The following INSL6 variants were observed in gnomAD, a reference collection of about 807,000 sequenced individuals.
The protein encoded by INSL6 is insulin like 6, also known as insulin-like peptide INSL6.
In INSL6, 16 loss-of-function variants were observed where a neutral mutation model predicts 9.4. That is an observed-to-expected ratio of 1.70 (90% CI 1.15 to 2.59). INSL6 has a LOEUF of 2.59. INSL6 is among the 30% of genes most tolerant of loss of function. INSL6 has a pLI of 0.00. For synonymous variants in INSL6, 154 were observed against 96.9 expected (o/e 1.59, Z -3.46); for missense variants, 391 against 257.3 (o/e 1.52, Z -3.56).
intron 3 of INSL6, among the ~76,000 whole-genome samples, chr9:5,131,435 A>ATTTTTTT (rs550915336): frequency 0.016 from 1,853 of 115,730 alleles, 73 homozygotes; most frequent in Non-Finnish European, 0.019. Flanking sequence ...CCAGTTAACA[A>ATTTTTTT]TTTTTTTTTT....
chr9:5,160,911 T>C (rs1471019996), downstream of INSL6, among the ~76,000 whole-genome samples: 1 of 152,128 alleles, frequency 6.6e-6, no homozygotes, highest in African/African-American at 2.4e-5. Flanking sequence ...AACCTGTGAA[T>C]AGACCAGTAA....
the INSL6 span, among the ~76,000 whole-genome samples, chr9:5,057,980 A>G: frequency 6.6e-6 from 1 of 152,178 alleles, no homozygotes. Context: ...TTCAGTTAGT[A>G]TAATATACTC....
chr9:5,106,779 C>G, the INSL6 span, among the ~76,000 whole-genome samples: 1 of 152,136 alleles, frequency 6.6e-6, no homozygotes, highest in Non-Finnish European at 1.5e-5. Flanking sequence ...AACCATCATT[C>G]TCAGCAAACT....
At chr9:5,043,351 A>G in the INSL6 span, among the ~76,000 whole-genome samples, 5 of 152,200 alleles carry the variant, frequency 3.3e-5, no homozygotes, top group Non-Finnish European at 5.9e-5. Context: ...CGAAAAAAAG[A>G]TGCCCAACAT....
In INSL6 at chr9:5,185,444, G is replaced by T; in HGVS notation, c.159C>A (p.Phe53Leu). 1.9e-6 allele frequency: 3 copies of T among 1,614,198 alleles called. No homozygotes were observed. The highest frequency in any genetic ancestry group is 2.5e-6 in the Non-Finnish European group (3 of 1,180,036). Residue 53 changes from phenylalanine (F) to leucine (L), a missense_variant, in exon 1 of 2, where the codon TTC becomes TTA. Coordinates refer to ENST00000381641, the MANE Select transcript of INSL6 (RefSeq NM_007179.3). ...KLCGHANWSQ[F>L]RFEEETPFSR... Reference sequence around the variant, plus strand: ...AGAAAGGGGTTTCCTCCTCGAAACGGAACTGGCTCCAGTTGGCATGGCCGC... The same window carrying T: ...AGAAAGGGGTTTCCTCCTCGAAACGTAACTGGCTCCAGTTGGCATGGCCGC...
intron 2 of INSL6, among the ~76,000 whole-genome samples, chr9:5,142,075 G>A (rs1057290721): frequency 3.9e-5 from 6 of 152,216 alleles, no homozygotes; most frequent in South Asian, 2.1e-4. Context: ...ATTGGTTTAT[G>A]TGTCTGTATT....
At chr9:5,064,620 A>G in the INSL6 span, among the ~76,000 whole-genome samples, 1 of 152,220 alleles carries the variant, frequency 6.6e-6, no homozygotes, top group African/African-American at 2.4e-5. Context: ...TAACTGGTAT[A>G]TTAGTCTAAG....
At chr9:4,998,242 A>G in the INSL6 span, among the ~76,000 whole-genome samples, 4 of 152,044 alleles carry the variant, frequency 2.6e-5, no homozygotes, top group African/African-American at 9.7e-5. Context: ...TAAGGGAAAA[A>G]AAACTCCAAC....
the INSL6 span, among the ~76,000 whole-genome samples, chr9:5,063,962 C>T: frequency 1.3e-5 from 2 of 152,202 alleles, no homozygotes; most frequent in Admixed American, 1.3e-4. Flanking sequence ...TTGAGACCAG[C>T]CTGGCCAACA....
chr9:5,183,941 T>C (rs946139262), intron 1 of INSL6, among the ~76,000 whole-genome samples: 5 of 152,166 alleles, frequency 3.3e-5, no homozygotes, highest in African/African-American at 4.8e-5. Context: ...ATGATTCATA[T>C]GCACATTAAA....
chr9:5,027,553 G>A, the INSL6 span, among the ~76,000 whole-genome samples: 2 of 152,066 alleles, frequency 1.3e-5, no homozygotes, highest in East Asian at 3.9e-4. Context: ...AGACAATGAA[G>A]GTTGCTGCAT....
chr9:5,164,890 G>A (rs527869118), intron 1 of INSL6, among the ~76,000 whole-genome samples: 3 of 152,322 alleles, frequency 2.0e-5, no homozygotes, highest in South Asian at 2.1e-4. Context: ...ACATTTGAGT[G>A]GTTTCCACTT....
chr9:5,054,787 C>G, the INSL6 span: 2 of 1,613,050 alleles, frequency 1.2e-6, no homozygotes, highest in Non-Finnish European at 1.7e-6. The surrounding 1 kb of genome is among the most constrained non-coding windows in gnomAD (Gnocchi z 4.9). Context: ...AGTGGTCCTT[C>G]AGGTGAGGAG....
the INSL6 span, among the ~76,000 whole-genome samples, chr9:5,061,299 T>A: frequency 2.5e-4 from 38 of 152,240 alleles, no homozygotes; most frequent in African/African-American, 7.7e-4. Flanking sequence ...TGACTTCTCC[T>A]CTCTAGCTGT....
chr9:5,121,883 A>T (rs1355583475), downstream of INSL6, among the ~76,000 whole-genome samples: 2 of 152,184 alleles, frequency 1.3e-5, no homozygotes, highest in African/African-American at 4.8e-5. Flanking sequence ...CCAGAGGAAG[A>T]GCATATTTTG....
At chr9:5,041,408 G>T in the INSL6 span, 7 of 629,958 alleles carry the variant, frequency 1.1e-5, no homozygotes, top group Non-Finnish European at 2.1e-5. Flanking sequence ...CAACCTGGAG[G>T]TGCTGGGCCA....
intron 1 of INSL6, among the ~76,000 whole-genome samples, chr9:5,182,642 TAAAG>T (rs761455930): frequency 3.3e-4 from 50 of 151,598 alleles, no homozygotes; most frequent in Middle Eastern, 3.4e-3. Context: ...ATCTGAAACA[TAAAG>T]AAACAAAAAA....
intron 1 of INSL6, among the ~76,000 whole-genome samples, chr9:5,179,176 AC>A (rs1332463600): frequency 1.4e-4 from 21 of 152,186 alleles, no homozygotes; most frequent in African/African-American, 5.1e-4. Flanking sequence ...CAAGAAAAAA[AC>A]AACCCCATTA....
chr9:5,023,865 T>C, the INSL6 span, among the ~76,000 whole-genome samples: 3 of 150,366 alleles, frequency 2.0e-5, no homozygotes, highest in Non-Finnish European at 4.5e-5. Flanking sequence ...TCTGATCCTT[T>C]AGCTTATAGT....
Sources: allele counts gnomAD v4.1 joint callset (sites outside exome capture counted in the v4.1 genomes callset), GRCh38; gene constraint gnomAD v4.1.1; non-coding constraint Gnocchi (gnomAD v3.1); transcripts MANE v1.5; gene names NCBI Gene and HGNC (gene_info 2026-07-23, HGNC 2026-07-21).